Variants in CLMP observed in about 807,000 individuals in gnomAD.
CLMP encodes the protein CXADR like cell adhesion molecule.
A neutral mutation model predicts 45.2 loss-of-function variants in CLMP; 27 were observed. The observed-to-expected ratio is 0.60, with a 90% confidence interval of 0.44 to 0.82. CLMP has a LOEUF of 0.82. Among genes scored for constraint, CLMP ranks in the 40% least tolerant of loss-of-function variants. The probability of loss-of-function intolerance (pLI) is 0.00; values close to 1 mark genes in which losing one functional copy is unlikely to be tolerated. For synonymous variants in CLMP, 167 were observed against 171.4 expected (o/e 0.97, Z 0.20); for missense variants, 403 against 448.4 (o/e 0.90, Z 0.91).
In CLMP at chr11:123,074,816, C is replaced by T. The variant is rs898678901; in HGVS notation, c.707G>A (p.Gly236Glu). Residue 236 changes from glycine (G) to glutamate (E), a missense_variant, in exon 6 of 7, where the codon GGA (glycine) becomes GAA (glutamate). Coordinates refer to ENST00000448775, the MANE Select transcript of CLMP (RefSeq NM_024769.5). ...TCCAGCCACTATGCCTGTCACTGCT[C>T]CTGCAACCATGCCGATGCTTTGTAC... Reference protein sequence around the residue: ...QYVQSIGMVAGAVTGIVAGAL... With the variant: ...QYVQSIGMVAEAVTGIVAGAL... The T allele has an allele frequency of 1.9e-6, 3 of 1,614,114 alleles. No individual in the cohort carries two copies. The highest frequency in any genetic ancestry group is 1.3e-5 in the African/African-American group (1 of 75,046).
chr11:123,107,555 A>ATTTTTTTTTTTTTTT (rs1591460846), intron 1 of CLMP, among the ~76,000 whole-genome samples: 1 of 96,582 alleles, frequency 1.0e-5, no homozygotes, highest in East Asian at 3.1e-4. Context: ...TTTTTTTTTC[A>ATTTTTTTTTTTTTTT]GAAACAGGGT....
intron 1 of CLMP, among the ~76,000 whole-genome samples, chr11:123,146,663 G>A (rs963454045): frequency 2.0e-5 from 3 of 151,962 alleles, no homozygotes; most frequent in Non-Finnish European, 2.9e-5. Context: ...TTCCATGGGC[G>A]TGTGTTGTGA....
rs572636847 is a variant in CLMP at position 123,181,930 on chromosome 11, C to G, written c.28+12983G>C. ...CCTGTCATTCCCTCCCCTGGGCTGC[C>G]CTTATTTTGGGCTCCCTACTGGGCA... On this transcript the variant is annotated intron_variant, in intron 1 of 6. Transcript: ENST00000448775. Among the ~76,000 whole-genome samples the G allele has an allele frequency of 6.6e-5, 10 of 152,300 alleles. No homozygotes were observed. The East Asian group carries it at 1.9e-3, about 29-fold the overall frequency.
chr11:123,151,135 G>C (rs1402571479), intron 1 of CLMP, among the ~76,000 whole-genome samples: 1 of 152,246 alleles, frequency 6.6e-6, no homozygotes, highest in African/African-American at 2.4e-5. Flanking sequence ...CCAGCGTGCT[G>C]TCTGTGAGCT....
intron 1 of CLMP, among the ~76,000 whole-genome samples, chr11:123,156,350 A>G (rs1360493951): frequency 6.6e-6 from 1 of 152,236 alleles, no homozygotes; most frequent in African/African-American, 2.4e-5. Context: ...CTGAGCATAC[A>G]GGCCAGAACA....
chr11:123,122,183 A>G (rs2135500973), intron 1 of CLMP, among the ~76,000 whole-genome samples: 1 of 152,076 alleles, frequency 6.6e-6, no homozygotes, highest in Non-Finnish European at 1.5e-5. Flanking sequence ...CTCCGTTTTT[A>G]TTTTTTAATT....
At chr11:123,147,586 T>C (rs1861256746) in intron 1 of CLMP, among the ~76,000 whole-genome samples, 1 of 151,986 alleles carries the variant, frequency 6.6e-6, no homozygotes, top group Non-Finnish European at 1.5e-5. Flanking sequence ...CAGCGAGCCT[T>C]TCTTGACTGC....
At chr11:123,096,851 C>A (rs1865996384) in intron 2 of CLMP, among the ~76,000 whole-genome samples, 1 of 152,086 alleles carries the variant, frequency 6.6e-6, no homozygotes, top group Non-Finnish European at 1.5e-5. Flanking sequence ...GGGTCTGTTG[C>A]CCAGGCTGGA....
rs781236309 is a variant in CLMP, at chr11:123,083,846, C to T, written c.390G>A (p.Val130=). The T allele has an allele frequency of 2.5e-6, 4 of 1,612,468 alleles. No homozygotes were observed. Among genetic ancestry groups the T allele is most frequent in the Non-Finnish European group, 3.4e-6 (4 of 1,179,832 alleles). The change falls in exon 4 of 7, where the codon GTG becomes GTA. Residue 130 remains valine, a splice_region_variant and synonymous_variant. Coordinates refer to ENST00000448775, the MANE Select transcript of CLMP (RefSeq NM_024769.5). ...VWSHVILKVL[V]RPSKPKCELE... Reference sequence around the variant, plus strand: ...ACTCACACTTGGGCTTGGATGGTCTCACTGGCAACAGCAACAACAAGCAAA... The same window carrying T: ...ACTCACACTTGGGCTTGGATGGTCTTACTGGCAACAGCAACAACAAGCAAA...
intron 1 of CLMP, among the ~76,000 whole-genome samples, chr11:123,135,241 T>C (rs1230136711): frequency 8.4e-6 from 1 of 118,422 alleles, no homozygotes; most frequent in Non-Finnish European, 1.7e-5. Context: ...GCCTGGGTGA[T>C]AGAAAAAGAC....
chr11:123,103,238 G>GTAAGAAGGA (rs1251825360), intron 1 of CLMP, among the ~76,000 whole-genome samples: 2 of 152,156 alleles, frequency 1.3e-5, no homozygotes, highest in African/African-American at 4.8e-5. Flanking sequence ...AAGGAGCTCT[G>GTAAGAAGGA]GCTTAACCCT....
At chr11:123,133,333 G>C (rs536782084) in intron 1 of CLMP, among the ~76,000 whole-genome samples, 1 of 152,210 alleles carries the variant, frequency 6.6e-6, no homozygotes, top group Admixed American at 6.5e-5. Flanking sequence ...GCTTACTCCA[G>C]TTTTATTAAG....
chr11:123,167,746 GA>G (rs1861578728), intron 1 of CLMP, among the ~76,000 whole-genome samples: 1 of 152,170 alleles, frequency 6.6e-6, no homozygotes, highest in Non-Finnish European at 1.5e-5. Flanking sequence ...CTTGTAGTAG[GA>G]GTTGAAGTTA....
intron 1 of CLMP, among the ~76,000 whole-genome samples, chr11:123,153,498 G>A (rs142483871): frequency 2.0e-3 from 299 of 152,192 alleles, no homozygotes; most frequent in Middle Eastern, 6.8e-3. Flanking sequence ...TAAGGTGGGC[G>A]GCAGCATTCA....
chr11:123,134,209 G>A (rs910385087), intron 1 of CLMP, among the ~76,000 whole-genome samples: 14 of 151,140 alleles, frequency 9.3e-5, no homozygotes, highest in African/African-American at 2.9e-4. Context: ...GCAGTGAGCC[G>A]AGATCTCGCC....
chr11:123,170,945 G>A (rs975176975), intron 1 of CLMP, among the ~76,000 whole-genome samples: 4 of 152,136 alleles, frequency 2.6e-5, no homozygotes, highest in African/African-American at 4.8e-5. Context: ...TTCATCCTTA[G>A]GATCATATGA....
intron 5 of CLMP, among the ~76,000 whole-genome samples, chr11:123,081,862 GAAAA>G (rs569269048): frequency 2.0e-5 from 2 of 97,772 alleles, no homozygotes; most frequent in African/African-American, 7.3e-5. Context: ...ACCCTGTCCA[GAAAA>G]AAAAAAAAAA....
Position 123,084,581 on chromosome 11 carries a change from C to T in CLMP, c.319G>A (p.Gly107Ser). Residue 107 changes from glycine to serine, a missense_variant, in exon 3 of 7, where the codon GGC (glycine) becomes AGC (serine). Transcript: ENST00000448775. ...TTCTTAACCTTACAGGTGTACCGGCCCTCATCACTGGGCTTCAGAGGTTCA... is the reference window on the plus strand; with the variant it reads ...TTCTTAACCTTACAGGTGTACCGGCTCTCATCACTGGGCTTCAGAGGTTCA... ...QIEPLKPSDE[G>S]RYTCKVKNSG... 1.9e-6 allele frequency: 3 copies of T among 1,614,224 alleles called. No individual in the cohort carries two copies. Among genetic ancestry groups the T allele is most frequent in the Non-Finnish European group, 2.5e-6 (3 of 1,180,050 alleles).
rs373760603 is a variant in CLMP, at chr11:123,153,753, G to A, written c.28+41160C>T. On this transcript the variant is annotated intron_variant, in intron 1 of 6. Transcript: ENST00000448775. ...GCTGGAGTGCAGTGGCACGATCTCA[G>A]CTCACTCCAGCCTCGACCTCCTGGG... Among the ~76,000 whole-genome samples, 462 of 152,012 alleles carry A rather than the reference G, an allele frequency of 3.0e-3. 2 individuals carry two copies. Among genetic ancestry groups the A allele is most frequent in the African/African-American group, 0.011 (441 of 41,460 alleles).
Sources: allele counts gnomAD v4.1 joint callset (sites outside exome capture counted in the v4.1 genomes callset), GRCh38; gene constraint gnomAD v4.1.1; transcripts MANE v1.5; gene names NCBI Gene and HGNC (gene_info 2026-07-23, HGNC 2026-07-21).